Variants in AP2B1 observed in about 807,000 individuals in gnomAD.
AP2B1 encodes adaptor related protein complex 2 subunit beta 1.
A neutral mutation model predicts 102.0 loss-of-function variants in AP2B1; 23 were observed. That is an observed-to-expected ratio of 0.23 (90% CI 0.16 to 0.32). AP2B1 has a LOEUF of 0.32. Ranked by LOEUF, AP2B1 falls within the 10% of genes least tolerant of loss-of-function variation. The pLI is 1.00. For synonymous variants in AP2B1, 381 were observed against 421.2 expected (o/e 0.90, Z 1.17); for missense variants, 541 against 1,157.4 (o/e 0.47, Z 7.73).
rs765694304 is a variant in AP2B1 at position 35,627,353 on chromosome 17, A to G, written c.939-32A>G. On this transcript the variant is annotated intron_variant, in intron 7 of 21. Transcript: ENST00000610402. ...GAAGGGTATATCAGTATATGCCTTC[A>G]CCTTCCTTTCTTCTGTTTCTGTGTA... The G allele has an allele frequency of 1.9e-6, 3 of 1,595,090 alleles. No individual in the cohort carries two copies. In the South Asian group the frequency reaches 3.3e-5, roughly 18 times the overall value.
intron 1 of AP2B1, among the ~76,000 whole-genome samples, chr17:35,588,064 AT>A (rs1337804645): frequency 3.2e-5 from 2 of 62,832 alleles, no homozygotes; most frequent in Non-Finnish European, 5.8e-5. Context: ...TTAACCCAGC[AT>A]CTTTTTTTTT....
At chr17:35,648,032 C>T (rs935171417) in intron 12 of AP2B1, among the ~76,000 whole-genome samples, 1 of 151,988 alleles carries the variant, frequency 6.6e-6, no homozygotes, top group African/African-American at 2.4e-5. Flanking sequence ...GCTGGGACTA[C>T]AGGCATGAGC....
At chr17:35,626,201 G>A (rs1229937780) in intron 6 of AP2B1, among the ~76,000 whole-genome samples, 1 of 152,142 alleles carries the variant, frequency 6.6e-6, no homozygotes, top group Non-Finnish European at 1.5e-5. Flanking sequence ...TGCGTTTGCT[G>A]TCTCTTCCTA....
intron 9 of AP2B1, among the ~76,000 whole-genome samples, chr17:35,634,468 T>C (rs929710756): frequency 6.6e-6 from 1 of 152,200 alleles, no homozygotes; most frequent in East Asian, 1.9e-4. Flanking sequence ...GATAGGCTGG[T>C]CCTTGACTTT....
Position 35,616,140 on chromosome 17 carries a change from C to CTTTTTT in AP2B1, c.525+7754_525+7755insTTTTTT, listed in dbSNP as rs1567817288. On this transcript the variant is annotated intron_variant, in intron 5 of 21. Coordinates refer to ENST00000610402, the MANE Select transcript of AP2B1 (RefSeq NM_001030006.2). ...TATGAACTTAGGTTTTAAAAAATAT[C>CTTTTTT]TCTTTTTTTTTTTTTTTTTTTTTTT... is the stretch of plus-strand genomic sequence containing the variant. Among the ~76,000 whole-genome samples the CTTTTTT allele has an allele frequency of 3.8e-5, 3 of 79,374 alleles. No homozygotes were observed. The South Asian group carries it at 1.3e-3, about 35-fold the overall frequency. The allele number at this position is 79,374 out of a possible 152,430, so 52.1% of individuals were successfully genotyped here.
At chr17:35,594,284 G>A (rs182436114) in intron 2 of AP2B1, among the ~76,000 whole-genome samples, 25 of 152,284 alleles carry the variant, frequency 1.6e-4, no homozygotes, top group Non-Finnish European at 2.9e-4. Flanking sequence ...ATGACTTGAA[G>A]GTTCTGTTTA....
At chr17:35,593,144 A>G (rs899641016) in intron 1 of AP2B1, among the ~76,000 whole-genome samples, 53 of 152,264 alleles carry the variant, frequency 3.5e-4, no homozygotes, top group African/African-American at 1.3e-3. Flanking sequence ...CTCTTGGGCT[A>G]AATCTGGATT....
chr17:35,594,815 G>C (rs1460398078), intron 2 of AP2B1, among the ~76,000 whole-genome samples: 1 of 152,144 alleles, frequency 6.6e-6, no homozygotes, highest in Non-Finnish European at 1.5e-5. Flanking sequence ...ATGAGTTTGG[G>C]TCTAGGAACA....
chr17:35,591,203 G>GGGCT (rs1369861085), intron 1 of AP2B1, among the ~76,000 whole-genome samples: 1 of 150,772 alleles, frequency 6.6e-6, no homozygotes, highest in African/African-American at 2.4e-5. Context: ...AGAATTTAAT[G>GGGCT]GGCTGGGCAC....
intron 5 of AP2B1, among the ~76,000 whole-genome samples, chr17:35,612,568 T>C (rs892389813): frequency 1.6e-4 from 25 of 152,270 alleles, no homozygotes; most frequent in Non-Finnish European, 2.8e-4. Context: ...CCATGCACAG[T>C]GGTAGATGCT....
At chr17:35,633,369 A>AC (rs978777322) in intron 9 of AP2B1, among the ~76,000 whole-genome samples, 3 of 151,744 alleles carry the variant, frequency 2.0e-5, no homozygotes, top group Middle Eastern at 3.2e-3. Flanking sequence ...AAAAAAAAAA[A>AC]AACAGACTGC....
At chr17:35,683,481 G>A (rs9916483) in intron 18 of AP2B1, among the ~76,000 whole-genome samples, 8,541 of 152,226 alleles carry the variant, frequency 0.056, 387 homozygotes, top group East Asian at 0.14. Context: ...AGGTAGCTAG[G>A]CTGTTTGGAT....
intron 17 of AP2B1, among the ~76,000 whole-genome samples, chr17:35,676,644 G>C (rs1266015426): frequency 6.6e-6 from 1 of 152,172 alleles, no homozygotes; most frequent in Non-Finnish European, 1.5e-5. Flanking sequence ...TTATTGCTAG[G>C]TTATATGGTA....
chr17:35,683,522 A>G (rs2075868235), intron 18 of AP2B1, among the ~76,000 whole-genome samples: 1 of 152,226 alleles, frequency 6.6e-6, no homozygotes, highest in Middle Eastern at 3.2e-3. Flanking sequence ...TATCTATGAT[A>G]AGTATAACAG....
At chr17:35,647,834 C>G (rs2074977078) in intron 12 of AP2B1, among the ~76,000 whole-genome samples, 1 of 151,680 alleles carries the variant, frequency 6.6e-6, no homozygotes. Flanking sequence ...TCAGATTGTC[C>G]TGTTTTAAAG....
At chr17:35,649,797 T>C (rs2075039993) in intron 12 of AP2B1, among the ~76,000 whole-genome samples, 2 of 152,216 alleles carry the variant, frequency 1.3e-5, no homozygotes, top group Non-Finnish European at 2.9e-5. Context: ...AGTCTCACTC[T>C]GTTGCCCAGT....
chr17:35,693,605 G>C (rs1373198098), intron 18 of AP2B1, among the ~76,000 whole-genome samples: 1 of 152,146 alleles, frequency 6.6e-6, no homozygotes, highest in Non-Finnish European at 1.5e-5. Context: ...AATGTAGTTG[G>C]AATCAGTTAT....
intron 1 of AP2B1, among the ~76,000 whole-genome samples, chr17:35,590,157 C>T (rs1049755765): frequency 6.6e-6 from 1 of 152,032 alleles, no homozygotes; most frequent in Non-Finnish European, 1.5e-5. Context: ...ATCTCCTGAC[C>T]TTGTGATCCG....
intron 14 of AP2B1, among the ~76,000 whole-genome samples, chr17:35,669,483 C>T (rs2075541982): frequency 6.6e-6 from 1 of 152,020 alleles, no homozygotes; most frequent in South Asian, 2.1e-4. Context: ...GATTTTCATC[C>T]CCTGTGCAAC....
Sources: gnomAD v4.1 joint callset for allele counts (sites outside exome capture counted in the v4.1 genomes callset) on GRCh38, gnomAD v4.1.1 for gene constraint, MANE v1.5 for transcripts, NCBI Gene and HGNC (gene_info 2026-07-23, HGNC 2026-07-21) for gene names.